Variants in EPB41 observed in about 807,000 individuals in gnomAD.
EPB41 encodes erythrocyte membrane protein band 4.1.
EPB41 carries 65 observed loss-of-function variants against 108.0 expected under a neutral mutation model. That is an observed-to-expected ratio of 0.60 (90% CI 0.49 to 0.74). The LOEUF (loss-of-function observed/expected upper bound fraction) is 0.74, where lower values mean the gene tolerates loss of function less well. Ranked by LOEUF, EPB41 falls within the 30% of genes least tolerant of loss-of-function variation. The pLI is 0.00. For synonymous variants in EPB41, 336 were observed against 358.9 expected, an observed-to-expected ratio of 0.94 and a Z score of 0.72; for missense variants, 875 against 1,037.0, an observed-to-expected ratio of 0.84 and a Z score of 2.15.
Position 28,987,373 on chromosome 1 carries a change from G to A in EPB41, c.-7-58G>A, listed in dbSNP as rs1185837651. The A allele has an allele frequency of 2.0e-6, 3 of 1,474,808 alleles. No homozygotes were observed. In the East Asian group the frequency reaches 6.8e-5, roughly 33 times the overall value. The allele number at this position is 1,474,808 out of a possible 1,614,324, so 91.4% of individuals were successfully genotyped here. A position where few individuals can be genotyped will look rare whatever the true frequency, so the allele number is the denominator to read the frequency against. On this transcript the variant is annotated intron_variant, in intron 1 of 20. Transcript: ENST00000343067. ...TTAATTTTTTAGGGTTTAGGGTTTT[G>A]CCAACAGTAATGTGTTTTGCTTATA...
intron 1 of EPB41, among the ~76,000 whole-genome samples, chr1:28,950,218 A>T (rs748439802): frequency 1.3e-5 from 2 of 152,206 alleles, no homozygotes; most frequent in Non-Finnish European, 2.9e-5. Flanking sequence ...CTTACAAGAT[A>T]TGATAGCATT....
chr1:28,927,186 A>G (rs570144172), intron 1 of EPB41, among the ~76,000 whole-genome samples: 2 of 152,384 alleles, frequency 1.3e-5, no homozygotes, highest in East Asian at 1.9e-4. Context: ...TAGCAGTTAC[A>G]GAAAGATATA....
At chr1:28,938,925 A>G (rs1402651827) in intron 1 of EPB41, among the ~76,000 whole-genome samples, 2 of 152,168 alleles carry the variant, frequency 1.3e-5, no homozygotes, top group African/African-American at 4.8e-5. Context: ...TCATCTGCAA[A>G]TAGGGATAGT....
chr1:29,005,890 T>A (rs2096391298), intron 4 of EPB41, among the ~76,000 whole-genome samples: 1 of 152,234 alleles, frequency 6.6e-6, no homozygotes, highest in Admixed American at 6.5e-5. Context: ...TTTGGAAAGT[T>A]GTTTTTTAAG....
At chr1:29,066,234 C>G (rs1489135245) in intron 16 of EPB41, among the ~76,000 whole-genome samples, 1 of 151,972 alleles carries the variant, frequency 6.6e-6, no homozygotes, top group African/African-American at 2.4e-5. Flanking sequence ...GCCTGGCCAG[C>G]ATGGTGAAAC....
intron 1 of EPB41, among the ~76,000 whole-genome samples, chr1:28,943,210 T>C (rs181156535): frequency 4.6e-5 from 7 of 152,316 alleles, no homozygotes; most frequent in Admixed American, 4.6e-4. Flanking sequence ...CCTTTGATTC[T>C]AAGGAAGGAA....
chr1:28,936,923 T>C (rs1009205440), intron 1 of EPB41, among the ~76,000 whole-genome samples: 12 of 152,220 alleles, frequency 7.9e-5, no homozygotes, highest in Non-Finnish European at 1.6e-4. Context: ...TTTGTGGATA[T>C]GTAACTAGGA....
At chr1:28,907,604 T>A (rs957668148) in intron 1 of EPB41, among the ~76,000 whole-genome samples, 2 of 151,978 alleles carry the variant, frequency 1.3e-5, no homozygotes, top group African/African-American at 2.4e-5. Flanking sequence ...AGTGAGCCAC[T>A]GTGCCTGGCC....
At chr1:29,098,050 CT>C in intron 17 of EPB41, 115 bp downstream of exon 17, 1 of 1,459,278 alleles carries the variant, frequency 6.9e-7, no homozygotes, top group South Asian at 1.2e-5. Flanking sequence ...TGGGGCAGTT[CT>C]TTTTAGAAGA....
At chr1:29,111,635 A>G (rs761505189) in intron 18 of EPB41, among the ~76,000 whole-genome samples, 1 of 152,024 alleles carries the variant, frequency 6.6e-6, no homozygotes, top group Non-Finnish European at 1.5e-5. Context: ...CCTGGGCGAC[A>G]GAGCAAGACT....
chr1:28,941,554 A>G (rs1361271078), intron 1 of EPB41, among the ~76,000 whole-genome samples: 2 of 152,234 alleles, frequency 1.3e-5, no homozygotes, highest in African/African-American at 2.4e-5. Flanking sequence ...CTGATTTATT[A>G]ACAGATAGTT....
At chr1:29,015,278 C>G (rs1313610722) in intron 5 of EPB41, among the ~76,000 whole-genome samples, 1 of 151,986 alleles carries the variant, frequency 6.6e-6, no homozygotes, top group Non-Finnish European at 1.5e-5. Context: ...GAAATGTAGG[C>G]TGGGCGTGGT....
chr1:28,978,793 T>C (rs1165597492), intron 1 of EPB41, among the ~76,000 whole-genome samples: 1 of 151,510 alleles, frequency 6.6e-6, no homozygotes, highest in Non-Finnish European at 1.5e-5. Context: ...ATCAGAACTA[T>C]AGGCTTCTCA....
chr1:29,048,112 A>G (rs575648008), intron 11 of EPB41, among the ~76,000 whole-genome samples: 8 of 151,650 alleles, frequency 5.3e-5, no homozygotes, highest in Non-Finnish European at 1.2e-4. Context: ...GTATATATTT[A>G]TGGGGTACAA....
intron 17 of EPB41, among the ~76,000 whole-genome samples, chr1:29,106,564 ATTTTTTTTTT>A (rs1187973613): frequency 7.9e-5 from 4 of 50,880 alleles, no homozygotes; most frequent in Admixed American, 3.4e-4. Flanking sequence ...AGTAGCTGGG[ATTTTTTTTTT>A]TTTTTTTTTT....
At chr1:28,937,693 A>G (rs2094104608) in intron 1 of EPB41, among the ~76,000 whole-genome samples, 1 of 152,132 alleles carries the variant, frequency 6.6e-6, no homozygotes, top group African/African-American at 2.4e-5. Flanking sequence ...GCGCCTGGCC[A>G]TAAGTTTTGA....
chr1:28,957,022 A>G (rs2094977854), intron 1 of EPB41, among the ~76,000 whole-genome samples: 1 of 152,270 alleles, frequency 6.6e-6, no homozygotes, highest in Non-Finnish European at 1.5e-5. Flanking sequence ...AACATTAAAA[A>G]AGACTAGATT....
chr1:29,050,617 A>T (rs971318664), intron 11 of EPB41, among the ~76,000 whole-genome samples: 3 of 152,200 alleles, frequency 2.0e-5, no homozygotes, highest in Middle Eastern at 3.2e-3. Flanking sequence ...AGTTATTACT[A>T]CTAACCCAGT....
intron 16 of EPB41, among the ~76,000 whole-genome samples, chr1:29,085,168 G>A (rs1292333028): frequency 2.2e-5 from 3 of 134,764 alleles, no homozygotes; most frequent in Non-Finnish European, 4.7e-5. Flanking sequence ...TTTTGAGTTG[G>A]AGTCTCACTC....
Sources: allele counts gnomAD v4.1 joint callset (sites outside exome capture counted in the v4.1 genomes callset), GRCh38; gene constraint gnomAD v4.1.1; transcripts MANE v1.5; gene names NCBI Gene and HGNC (gene_info 2026-07-23, HGNC 2026-07-21).